Variants in ANK2 observed in about 807,000 individuals in gnomAD.
The protein encoded by ANK2 is ankyrin-2.
ANK2 carries 83 observed loss-of-function variants against 360.5 expected under a neutral mutation model. The observed-to-expected ratio is 0.23, with a 90% CI of 0.19 to 0.28. The LOEUF (loss-of-function observed/expected upper bound fraction) is 0.28. ANK2 is among the 10% of genes least tolerant of loss of function. The probability of loss-of-function intolerance (pLI) is 1.00; values close to 1 mark genes in which losing one functional copy is unlikely to be tolerated. For missense variants in ANK2, 4,201 were observed against 4,795.7 expected, an observed-to-expected ratio of 0.88 and a Z score of 3.66; for synonymous variants, 1,740 against 1,759.5, an observed-to-expected ratio of 0.99 and a Z score of 0.28.
intron 23 of ANK2, among the ~76,000 whole-genome samples, chr4:113,310,530 C>G (rs2079375938): frequency 6.6e-6 from 1 of 152,154 alleles, no homozygotes; most frequent in South Asian, 2.1e-4. Flanking sequence ...AATTCTCCTG[C>G]CTCAGCCTCC....
At chr4:112,835,922 A>C (rs2060891887) in intron 1 of ANK2, among the ~76,000 whole-genome samples, 1 of 151,858 alleles carries the variant, frequency 6.6e-6, no homozygotes, top group African/African-American at 2.4e-5. Context: ...TTTTTTCCCT[A>C]GGCTGTTTTC....
intron 24 of ANK2, among the ~76,000 whole-genome samples, chr4:113,314,575 T>C (rs946351769): frequency 5.9e-5 from 9 of 152,186 alleles, no homozygotes; most frequent in African/African-American, 2.2e-4. Context: ...TCATGAAAAA[T>C]TGGCAACTGT....
At chr4:113,163,020 A>G (rs2154404247) in intron 1 of ANK2, among the ~76,000 whole-genome samples, 1 of 152,220 alleles carries the variant, frequency 6.6e-6, no homozygotes, top group East Asian at 1.9e-4. Context: ...ATATTTAGAT[A>G]GATACAGCTA....
intron 39 of ANK2, 102 bp from the exon 40 acceptor site, chr4:113,363,236 A>T: frequency 8.4e-7 from 1 of 1,184,096 alleles, no homozygotes; most frequent in Non-Finnish European, 1.2e-6. Flanking sequence ...TCAAATACTC[A>T]CCACAATATA....
chr4:112,722,337 C>T, the ANK2 span, among the ~76,000 whole-genome samples: 2 of 152,162 alleles, frequency 1.3e-5, no homozygotes. Context: ...GATGCAAGAT[C>T]CTGCCTAAAA....
the ANK2 span, among the ~76,000 whole-genome samples, chr4:112,733,507 G>T: frequency 3.3e-5 from 5 of 152,200 alleles, no homozygotes; most frequent in East Asian, 9.7e-4. Context: ...TTTTTTAATA[G>T]AAATTATGTA....
chr4:113,363,361 ACTGAG>A lies in ANK2; in HGVS notation c.10781_10785del (p.Thr3594ArgfsTer9), dbSNP rs2096343135. On this transcript the variant is annotated frameshift_variant, in exon 40 of 46. Transcript: ENST00000357077. LOFTEE classifies it high-confidence loss of function. Reference sequence around the variant, plus strand: ...AGAATTAGCAAGAGAACTGGATTTCACTGAGGAGCAAATTCATCAAATTCGAATTG... The same window carrying A: ...AGAATTAGCAAGAGAACTGGATTTCAGAGCAAATTCATCAAATTCGAATTG... The A allele has an allele frequency of 6.2e-7, 1 of 1,613,240 alleles. No individual in the cohort carries two copies.
chr4:113,213,499 T>C (rs886720239), intron 4 of ANK2, among the ~76,000 whole-genome samples: 20 of 152,204 alleles, frequency 1.3e-4, no homozygotes, highest in African/African-American at 2.4e-4. Context: ...TGAGAAGGGC[T>C]AATAGGTCAT....
intron 1 of ANK2, among the ~76,000 whole-genome samples, chr4:113,064,823 GAA>G (rs1491429775): frequency 0.14 from 2,105 of 15,206 alleles, 200 homozygotes; most frequent in Middle Eastern, 0.25. Context: ...AAAAATGTTA[GAA>G]AGTTCTGTAG....
chr4:113,010,632 T>C (rs2054410415), intron 2 of ANK2, among the ~76,000 whole-genome samples: 2 of 152,000 alleles, frequency 1.3e-5, no homozygotes, highest in African/African-American at 4.8e-5. Context: ...AGGAAGGAAA[T>C]GAACAGCCTG....
chr4:113,167,673 G>T (rs2097794545), intron 1 of ANK2, among the ~76,000 whole-genome samples: 1 of 152,050 alleles, frequency 6.6e-6, no homozygotes, highest in South Asian at 2.1e-4. Context: ...AATTATAAAT[G>T]CTCATCTTGA....
chr4:113,365,282 T>G (rs2096477118), intron 41 of ANK2, 100 bp downstream of exon 41: 2 of 1,338,216 alleles, frequency 1.5e-6, no homozygotes, highest in Admixed American at 3.9e-5. Context: ...TCTTTTTTTT[T>G]TTTCAGAAGG....
chr4:112,879,447 A>G (rs2076126513), intron 1 of ANK2, among the ~76,000 whole-genome samples: 1 of 152,184 alleles, frequency 6.6e-6, no homozygotes, highest in South Asian at 2.1e-4. Context: ...GATGCAGATC[A>G]TCTATCCCAG....
chr4:113,116,987 G>A (rs2094860980), intron 1 of ANK2: 1 of 258,014 alleles, frequency 3.9e-6, no homozygotes, highest in East Asian at 9.3e-5. Flanking sequence ...CTAGTGCTCC[G>A]CCTTCCCCCG....
At chr4:112,765,767 A>G in the ANK2 span, among the ~76,000 whole-genome samples, 32 of 151,126 alleles carry the variant, frequency 2.1e-4, no homozygotes, top group Admixed American at 5.9e-4. Context: ...CTTTCCCCCA[A>G]CTTCACTGTT....
chr4:112,803,082 A>G, the ANK2 span, among the ~76,000 whole-genome samples: 20 of 151,808 alleles, frequency 1.3e-4, no homozygotes, highest in African/African-American at 4.8e-4. Flanking sequence ...ATTTAGGAAG[A>G]CTGTCTCGAC....
chr4:113,021,541 C>CACACACACATATATATATAT (rs1489947974), intron 2 of ANK2, among the ~76,000 whole-genome samples: 23 of 95,634 alleles, frequency 2.4e-4, no homozygotes, highest in African/African-American at 8.0e-4. Flanking sequence ...CACACACAAA[C>CACACACACATATATATATAT]ATATATATAT....
At chr4:113,004,835 T>C (rs2052195407) in intron 2 of ANK2, among the ~76,000 whole-genome samples, 1 of 152,158 alleles carries the variant, frequency 6.6e-6, no homozygotes. Flanking sequence ...AGCTGTGACA[T>C]CACGAGGTGA....
At chr4:112,917,976 A>T (rs2090387818) in intron 2 of ANK2, among the ~76,000 whole-genome samples, 1 of 152,146 alleles carries the variant, frequency 6.6e-6, no homozygotes, top group South Asian at 2.1e-4. Flanking sequence ...CATAAAAAAG[A>T]TTATCTGGCT....
Sources: gnomAD v4.1 joint callset for allele counts (sites outside exome capture counted in the v4.1 genomes callset) on GRCh38, gnomAD v4.1.1 for gene constraint, MANE v1.5 for transcripts, NCBI Gene and HGNC (gene_info 2026-07-23, HGNC 2026-07-21) for gene names.